The following GRIK1 variants were observed in gnomAD, a reference collection of about 807,000 sequenced individuals.
GRIK1 encodes the protein glutamate ionotropic receptor kainate type subunit 1.
GRIK1 carries 69 observed loss-of-function variants against 105.7 expected under a neutral mutation model. That is an observed-to-expected ratio of 0.65 (90% CI 0.54 to 0.80). The LOEUF is 0.80. Ranked by LOEUF, GRIK1 falls within the 30% of genes least tolerant of loss-of-function variation. The pLI, the probability that GRIK1 is intolerant of heterozygous loss-of-function variation, is 0.00. For synonymous variants in GRIK1, 438 were observed against 431.3 expected, an observed-to-expected ratio of 1.02 and a Z score of -0.19; for missense variants, 1,109 against 1,167.3, an observed-to-expected ratio of 0.95 and a Z score of 0.73.
chr21:29,629,006 A>G (rs149773297), intron 7 of GRIK1, among the ~76,000 whole-genome samples: 311 of 152,310 alleles, frequency 2.0e-3, no homozygotes, highest in African/African-American at 7.1e-3. Flanking sequence ...AGATTTATTG[A>G]GCCCCTACTA....
At position 29,813,218 on chromosome 21, in the gene GRIK1, G is replaced by A. The variant is rs140733405; in HGVS notation, c.119-119155C>T. Among the ~76,000 whole-genome samples, 565 of 152,266 alleles carry A rather than the reference G, an allele frequency of 3.7e-3. 1 individual carries two copies. Among genetic ancestry groups the A allele is most frequent in the African/African-American group, 0.012 (513 of 41,562 alleles). On this transcript the variant is annotated intron_variant, in intron 1 of 17. Coordinates refer to ENST00000327783, the MANE Select transcript of GRIK1 (RefSeq NM_001330994.2). Reference sequence around the variant, plus strand: ...GAATTGCTGATCTCACAAACCTGAAGCATTGTAAATATTGACTTAACAATA... The same window carrying A: ...GAATTGCTGATCTCACAAACCTGAAACATTGTAAATATTGACTTAACAATA...
intron 7 of GRIK1, among the ~76,000 whole-genome samples, chr21:29,622,383 G>A (rs1442998719): frequency 2.0e-5 from 3 of 152,204 alleles, no homozygotes; most frequent in Non-Finnish European, 4.4e-5. Context: ...TGGAAGACAT[G>A]CTTTAGAATA....
intron 7 of GRIK1, among the ~76,000 whole-genome samples, chr21:29,625,994 C>A (rs1291507573): frequency 2.0e-5 from 3 of 152,040 alleles, no homozygotes; most frequent in Admixed American, 2.0e-4. Context: ...GAGACAGGGC[C>A]TTTATAGAGG....
intron 1 of GRIK1, among the ~76,000 whole-genome samples, chr21:29,763,099 A>G (rs1038803209): frequency 6.6e-6 from 1 of 152,116 alleles, no homozygotes; most frequent in African/African-American, 2.4e-5. Context: ...TCTCATCTTG[A>G]ATTGTAATCT....
chr21:29,828,934 A>G (rs1434006231), intron 1 of GRIK1, among the ~76,000 whole-genome samples: 1 of 152,154 alleles, frequency 6.6e-6, no homozygotes, highest in South Asian at 2.1e-4. Flanking sequence ...AAACCAAACC[A>G]GTTTTACTCC....
chr21:29,760,029 C>T (rs540648725), intron 1 of GRIK1: 1 of 152,300 alleles, frequency 6.6e-6, no homozygotes, highest in East Asian at 1.9e-4. Context: ...GTTCTTACAG[C>T]TTCCTTTATG....
chr21:29,562,490 T>C (rs1396669122), intron 14 of GRIK1, among the ~76,000 whole-genome samples: 2 of 152,132 alleles, frequency 1.3e-5, no homozygotes, highest in Non-Finnish European at 2.9e-5. Flanking sequence ...ACCCTGTCTC[T>C]ACTGAAAAAA....
intron 1 of GRIK1, among the ~76,000 whole-genome samples, chr21:29,717,283 A>T (rs116094081): frequency 0.01 from 1,536 of 152,332 alleles, 26 homozygotes; most frequent in African/African-American, 0.035. Flanking sequence ...TCCCCACTGT[A>T]GCACTCCCTA....
At chr21:29,812,175 AG>A (rs1194788396) in intron 1 of GRIK1, among the ~76,000 whole-genome samples, 1 of 152,154 alleles carries the variant, frequency 6.6e-6, no homozygotes, top group Non-Finnish European at 1.5e-5. Flanking sequence ...TAAACTTTAT[AG>A]GGATTTGCCT....
chr21:29,786,592 G>T (rs939813933), intron 1 of GRIK1, among the ~76,000 whole-genome samples: 2 of 152,054 alleles, frequency 1.3e-5, no homozygotes, highest in South Asian at 4.1e-4. Context: ...TCACCAGTTT[G>T]CTTTTTGTTA....
At chr21:29,630,749 C>T (rs2062249094) in intron 7 of GRIK1, 1 of 369,200 alleles carries the variant, frequency 2.7e-6, no homozygotes, top group Admixed American at 3.7e-5. Flanking sequence ...TTTAACATCC[C>T]TAGTTTGTGT....
In GRIK1 at chr21:29,796,332, AC is replaced by A. The variant is rs370612485; in HGVS notation, c.119-102270del. ...GTTAATGTCCATTTAATGAATGGAG[AC>A]CAAAGTAAAATTTGGAGAAAGACCT... is the stretch of plus-strand genomic sequence containing the variant. On this transcript the variant is annotated intron_variant, in intron 1 of 17. Transcript: ENST00000327783. Among the ~76,000 whole-genome samples the A allele has an allele frequency of 2.6e-5, 4 of 152,258 alleles. No individual in the cohort carries two copies. The East Asian group carries it at 5.8e-4, about 22-fold the overall frequency.
chr21:29,741,519 G>T (rs2064928196), intron 1 of GRIK1, among the ~76,000 whole-genome samples: 1 of 152,016 alleles, frequency 6.6e-6, no homozygotes, highest in Non-Finnish European at 1.5e-5. Context: ...TTGCAATAAA[G>T]AAAACAGACT....
At chr21:29,607,062 C>T (rs915513092) in intron 7 of GRIK1, among the ~76,000 whole-genome samples, 2 of 152,120 alleles carry the variant, frequency 1.3e-5, no homozygotes, top group East Asian at 1.9e-4. Context: ...AACACAGTCA[C>T]GGGGATACTA....
intron 4 of GRIK1, among the ~76,000 whole-genome samples, chr21:29,657,075 G>C (rs952225346): frequency 6.6e-6 from 1 of 152,166 alleles, no homozygotes; most frequent in Non-Finnish European, 1.5e-5. Flanking sequence ...CGAGCATAAA[G>C]AGCTGGCCTG....
intron 1 of GRIK1, among the ~76,000 whole-genome samples, chr21:29,924,303 C>G (rs966353240): frequency 6.7e-6 from 1 of 149,644 alleles, no homozygotes; most frequent in Non-Finnish European, 1.5e-5. Context: ...TGCCACTGCA[C>G]TCCAGCCTGG....
At chr21:29,840,442 T>C (rs2067945223) in intron 1 of GRIK1, among the ~76,000 whole-genome samples, 1 of 152,176 alleles carries the variant, frequency 6.6e-6, no homozygotes, top group Non-Finnish European at 1.5e-5. Flanking sequence ...TATTTTTTTT[T>C]ACACATAATT....
At chr21:29,749,606 C>T (rs758138979) in intron 1 of GRIK1, among the ~76,000 whole-genome samples, 5 of 152,220 alleles carry the variant, frequency 3.3e-5, no homozygotes, top group Non-Finnish European at 5.9e-5. Context: ...ACATTTGGGT[C>T]TTTATCAGCA....
intron 16 of GRIK1, among the ~76,000 whole-genome samples, chr21:29,550,278 T>C (rs2090112528): frequency 6.6e-6 from 1 of 152,126 alleles, no homozygotes; most frequent in Non-Finnish European, 1.5e-5. Context: ...TCATAAAATT[T>C]CCACCTCAAA....
Sources: gnomAD v4.1 joint callset for allele counts (sites outside exome capture counted in the v4.1 genomes callset) on GRCh38, gnomAD v4.1.1 for gene constraint, MANE v1.5 for transcripts, NCBI Gene and HGNC (gene_info 2026-07-23, HGNC 2026-07-21) for gene names.